Variants in IFNGR2 observed in about 807,000 individuals in gnomAD.
IFNGR2 encodes IFN-gamma receptor 2.
In IFNGR2, 15 loss-of-function variants were observed where a neutral mutation model predicts 41.1. The observed-to-expected ratio is 0.37, with a 90% confidence interval of 0.24 to 0.56. The LOEUF is 0.56. Among genes scored for constraint, IFNGR2 ranks in the 20% least tolerant of loss-of-function variants. The probability of loss-of-function intolerance (pLI) is 0.81; values close to 1 mark genes in which losing one functional copy is unlikely to be tolerated. For synonymous variants in IFNGR2, 161 were observed against 171.6 expected (o/e 0.94, Z 0.48); for missense variants, 362 against 415.7 (o/e 0.87, Z 1.12).
intron 1 of IFNGR2, among the ~76,000 whole-genome samples, chr21:33,405,055 TCTC>T (rs2083667671): frequency 7.1e-6 from 1 of 141,066 alleles, no homozygotes; most frequent in South Asian, 2.2e-4. Flanking sequence ...AGAGCTGAGA[TCTC>T]ACCACTGCAC....
upstream of IFNGR2, chr21:33,403,093 T>TGGG (rs17879530): frequency 8.4e-3 from 134 of 16,042 alleles, 1 homozygote; most frequent in African/African-American, 0.016. Flanking sequence ...AGAGGAGAGT[T>TGGG]GGGGGGGGTC....
intron 6 of IFNGR2, among the ~76,000 whole-genome samples, chr21:33,433,765 TTA>T (rs1333845593): frequency 2.7e-5 from 4 of 150,348 alleles, no homozygotes; most frequent in African/African-American, 9.9e-5. Context: ...ACATTTTATG[TTA>T]TGTGTATTTT....
At chr21:33,423,283 C>T (rs1349349424) in intron 3 of IFNGR2, among the ~76,000 whole-genome samples, 2 of 152,092 alleles carry the variant, frequency 1.3e-5, no homozygotes, top group African/African-American at 4.8e-5. Context: ...TTGTGATCCG[C>T]CCGCCTCGGC....
chr21:33,406,703 AG>A (rs2083680130), intron 1 of IFNGR2, among the ~76,000 whole-genome samples: 2 of 147,878 alleles, frequency 1.4e-5, no homozygotes, highest in South Asian at 4.3e-4. Context: ...GCTGCAGTGC[AG>A]TGGCATGATC....
chr21:33,431,391 GAAACCC>G (rs2083885643), intron 4 of IFNGR2, among the ~76,000 whole-genome samples: 1 of 152,080 alleles, frequency 6.6e-6, no homozygotes. Context: ...GCAACATGGT[GAAACCC>G]TGTTTCTACT....
At chr21:33,434,383 G>A (rs546046433) in intron 6 of IFNGR2, among the ~76,000 whole-genome samples, 16 of 152,208 alleles carry the variant, frequency 1.1e-4, no homozygotes, top group South Asian at 2.1e-4. Context: ...TTAGCCGGGC[G>A]TGGTGGTGGG....
At chr21:33,426,424 A>G (rs2083836361) in intron 3 of IFNGR2, among the ~76,000 whole-genome samples, 2 of 150,486 alleles carry the variant, frequency 1.3e-5, no homozygotes, top group African/African-American at 2.5e-5. Flanking sequence ...AAAAATGAAT[A>G]AATAAATAAA....
rs2123384586 is a variant in IFNGR2, at chr21:33,436,882, C to T, written c.934C>T (p.Pro312Ser). 1.2e-6 allele frequency: 2 copies of T among 1,613,924 alleles called. No homozygotes were observed. Among genetic ancestry groups the T allele is most frequent in the Non-Finnish European group, 1.7e-6 (2 of 1,179,820 alleles). The change falls in exon 7 of 7, where the codon CCA becomes TCA. Residue 312 changes from proline to serine, a missense_variant. Pro to Ser is a moderately conservative substitution (Grantham distance 74). Coordinates refer to ENST00000290219, the MANE Select transcript of IFNGR2 (RefSeq NM_005534.4). The part of the protein sequence containing the change: ...ILEALDKDSS[P>S]KDDVWDSVSI... ...AGAGGCCTTGGACAAGGACAGCTCACCAAAGGATGACGTCTGGGACTCTGT... is the reference window on the plus strand; with the variant it reads ...AGAGGCCTTGGACAAGGACAGCTCATCAAAGGATGACGTCTGGGACTCTGT...
intron 3 of IFNGR2, among the ~76,000 whole-genome samples, chr21:33,424,468 C>T (rs994041492): frequency 1.3e-5 from 2 of 152,138 alleles, no homozygotes; most frequent in Non-Finnish European, 2.9e-5. Context: ...CTGTTCTCTG[C>T]CCTCGTGCTT....
Position 33,403,496 on chromosome 21 carries a change from G to C in IFNGR2, c.-48G>C. The C allele has an allele frequency of 8.8e-7, 1 of 1,138,342 alleles. No individual in the cohort carries two copies. The highest frequency in any genetic ancestry group is 1.1e-6 in the Non-Finnish European group (1 of 927,150). 70.5% of individuals were successfully genotyped at this position (1,138,342 alleles called of 1,614,324 possible). A position where few individuals can be genotyped will look rare whatever the true frequency, so the allele number is the denominator to read the frequency against. On this transcript the variant is annotated 5_prime_UTR_variant, in exon 1 of 7. Transcript: ENST00000290219. Reference sequence around the variant, plus strand: ...CGACGTGAGCGGCTCCGCGGACCCCGAGCGGGGCCCCGGCCGCGACCTGAG... The same window carrying C: ...CGACGTGAGCGGCTCCGCGGACCCCCAGCGGGGCCCCGGCCGCGACCTGAG...
chr21:33,420,689 G>T (rs938152737), intron 2 of IFNGR2, among the ~76,000 whole-genome samples: 2 of 152,138 alleles, frequency 1.3e-5, no homozygotes, highest in African/African-American at 4.8e-5. Context: ...TATCTGACAA[G>T]GGACTTGTAT....
At chr21:33,431,288 G>C (rs538485676) in intron 4 of IFNGR2, among the ~76,000 whole-genome samples, 5 of 152,258 alleles carry the variant, frequency 3.3e-5, no homozygotes, top group Non-Finnish European at 7.4e-5. Flanking sequence ...ACAAAATGTT[G>C]GCCAGGCGCG....
At chr21:33,414,742 C>T in intron 1 of IFNGR2, 146 bp from the exon 2 acceptor site, 1 of 972,886 alleles carries the variant, frequency 1.0e-6, no homozygotes. Flanking sequence ...GGGCCATGCC[C>T]AGGGGGACCT....
At chr21:33,423,619 G>GC (rs2083813025) in intron 3 of IFNGR2, among the ~76,000 whole-genome samples, 1 of 151,226 alleles carries the variant, frequency 6.6e-6, no homozygotes, top group Non-Finnish European at 1.5e-5. Flanking sequence ...GTCCAGGCTG[G>GC]CCTCTAACTC....
At chr21:33,411,023 G>A (rs1234616166) in intron 1 of IFNGR2, 2 of 705,274 alleles carry the variant, frequency 2.8e-6, no homozygotes, top group Non-Finnish European at 5.0e-6. Flanking sequence ...AGGCTGGGCT[G>A]CCCAAGGACA....
rs190468107 is a variant in IFNGR2 at position 33,424,840 on chromosome 21, A to G, written c.413-2044A>G. ...CACTGCAGCCTCCGCCTCCAGGTTT[A>G]AGTGATTCTCGTGCCTCAGCCTCCC... On this transcript the variant is annotated intron_variant, in intron 3 of 6. Coordinates refer to ENST00000290219, the MANE Select transcript of IFNGR2 (RefSeq NM_005534.4). Among the ~76,000 whole-genome samples the G allele has an allele frequency of 9.3e-3, 1,412 of 151,392 alleles. 10 individuals are homozygous for G. Among genetic ancestry groups the G allele is most frequent in the Non-Finnish European group, 0.015 (1,012 of 67,804 alleles).
intron 2 of IFNGR2, 121 bp downstream of exon 2, chr21:33,415,141 A>T (rs765722633): frequency 1.5e-5 from 19 of 1,234,158 alleles, no homozygotes; most frequent in Non-Finnish European, 2.2e-5. Context: ...TGGGAAACAC[A>T]TCGTTCTTGG....
chr21:33,427,844 CT>C (rs71194844), intron 4 of IFNGR2, among the ~76,000 whole-genome samples: 76 of 125,500 alleles, frequency 6.1e-4, no homozygotes, highest in Non-Finnish European at 3.1e-4. Context: ...CTCATTTCAT[CT>C]TTTTTTTTTT....
In IFNGR2 at chr21:33,414,642, G is replaced by A. The variant is rs2083741266; in HGVS notation, c.74-246G>A. ...GACCTGTTCGTAACAACTGGGACCT[G>A]CAGGTGGAAAGGCTGCCCCAGGCGC... On this transcript the variant is annotated intron_variant, in intron 1 of 6. Transcript: ENST00000290219. Among the ~76,000 whole-genome samples the A allele has an allele frequency of 3.3e-5, 5 of 152,308 alleles. No homozygotes were observed. In the South Asian group the frequency reaches 1.0e-3, roughly 32 times the overall value.
Sources: gnomAD v4.1 joint callset for allele counts (sites outside exome capture counted in the v4.1 genomes callset) on GRCh38, gnomAD v4.1.1 for gene constraint, MANE v1.5 for transcripts, NCBI Gene and HGNC (gene_info 2026-07-23, HGNC 2026-07-21) for gene names.